SMYD3: variants seen among roughly 807,000 people sequenced by gnomAD.
SMYD3 encodes SET and MYND domain containing 3.
In SMYD3, 36 loss-of-function variants were observed where a neutral mutation model predicts 57.7. That is an observed-to-expected ratio of 0.62 (90% CI 0.48 to 0.82). SMYD3 has a LOEUF of 0.82. SMYD3 is among the 40% of genes least tolerant of loss of function. SMYD3 has a pLI of 0.00. For missense variants in SMYD3, 515 were observed against 538.8 expected, an observed-to-expected ratio of 0.96 and a Z score of 0.44; for synonymous variants, 211 against 195.0, an observed-to-expected ratio of 1.08 and a Z score of -0.68.
At chr1:246,403,951 T>A (rs915193) in intron 1 of SMYD3, among the ~76,000 whole-genome samples, 1 of 152,188 alleles carries the variant, frequency 6.6e-6, no homozygotes, top group Non-Finnish European at 1.5e-5. Flanking sequence ...AAGGGTCTCA[T>A]GGAAATTTAT....
chr1:246,054,875 A>T (rs1196678205), intron 5 of SMYD3, among the ~76,000 whole-genome samples: 163 of 114,356 alleles, frequency 1.4e-3, no homozygotes, highest in African/African-American at 7.1e-3. Context: ...GATGACTATA[A>T]AAAAAAAAAA....
intron 5 of SMYD3, among the ~76,000 whole-genome samples, chr1:245,956,887 C>T (rs998003923): frequency 6.6e-6 from 1 of 152,224 alleles, no homozygotes; most frequent in Admixed American, 6.5e-5. Context: ...GCAGTTGATC[C>T]ACCCTGCTTA....
chr1:246,180,759 CAAAAAAAAAAAAAAAAAAAA>C lies in SMYD3; in HGVS notation c.531+146422_531+146441del, dbSNP rs61346746. Among the ~76,000 whole-genome samples, 215 of 29,246 alleles carry C rather than the reference CAAAAAAAAAAAAAAAAAAAA, an allele frequency of 7.4e-3. 2 individuals are homozygous for C. The highest frequency in any genetic ancestry group is 0.029 in the African/African-American group (193 of 6,604). 19.2% of individuals were successfully genotyped at this position (29,246 alleles called of 152,430 possible). On this transcript the variant is annotated intron_variant, in intron 5 of 11. Coordinates refer to ENST00000490107, the MANE Select transcript of SMYD3 (RefSeq NM_001167740.2). ...TGGGCAACAGAGCAAGACTCTGTCT[CAAAAAAAAAAAAAAAAAAAA>C]AAAAAAAAAAAAAAAAAACAACTCA...
chr1:245,914,533 C>T (rs1033882392), intron 8 of SMYD3, among the ~76,000 whole-genome samples: 1 of 152,112 alleles, frequency 6.6e-6, no homozygotes, highest in African/African-American at 2.4e-5. Flanking sequence ...AGATAAAATA[C>T]TCCGTGTTCT....
chr1:246,286,979 TCA>T (rs2064581927), intron 5 of SMYD3, among the ~76,000 whole-genome samples: 5 of 152,032 alleles, frequency 3.3e-5, no homozygotes, highest in Middle Eastern at 3.4e-3. Flanking sequence ...CAAGCAGTTC[TCA>T]TGTCTCAGCC....
In SMYD3 at chr1:245,934,652, G is replaced by A. The variant is rs935183834; in HGVS notation, c.532-4715C>T. On this transcript the variant is annotated intron_variant, in intron 5 of 11. Coordinates refer to ENST00000490107, the MANE Select transcript of SMYD3 (RefSeq NM_001167740.2). The stretch of plus-strand genomic sequence containing the variant: ...GCTGGCGACGGAGGTCAGCTCAGGA[G>A]AGGAGAGGCTATACTTCTTAAATGA... Among the ~76,000 whole-genome samples, 4 of 152,168 alleles carry A rather than the reference G, an allele frequency of 2.6e-5. No homozygotes were observed. The South Asian group carries it at 8.3e-4, about 32-fold the overall frequency.
At chr1:245,867,611 C>T (rs1200407532) in intron 8 of SMYD3, among the ~76,000 whole-genome samples, 2 of 151,752 alleles carry the variant, frequency 1.3e-5, no homozygotes, top group East Asian at 3.9e-4. Context: ...ACTGAAGAGG[C>T]AGGTGGAACA....
intron 5 of SMYD3, among the ~76,000 whole-genome samples, chr1:246,050,676 A>G (rs2060051423): frequency 6.6e-6 from 1 of 152,160 alleles, no homozygotes; most frequent in South Asian, 2.1e-4. Context: ...GAACGCTGAG[A>G]CTGCCGGAAG....
chr1:246,351,192 T>A (rs551595898), intron 2 of SMYD3, among the ~76,000 whole-genome samples: 6 of 152,210 alleles, frequency 3.9e-5, no homozygotes, highest in Admixed American at 1.3e-4. Flanking sequence ...ATTATCAATA[T>A]AAAATAGAGC....
At chr1:246,005,626 A>C (rs2059155021) in intron 5 of SMYD3, among the ~76,000 whole-genome samples, 1 of 152,204 alleles carries the variant, frequency 6.6e-6, no homozygotes, top group African/African-American at 2.4e-5. Flanking sequence ...TTCTGCAGAG[A>C]GTCATATGGG....
intron 10 of SMYD3, among the ~76,000 whole-genome samples, chr1:245,774,565 C>T (rs1039032605): frequency 6.6e-6 from 1 of 152,186 alleles, no homozygotes; most frequent in Non-Finnish European, 1.5e-5. Flanking sequence ...GTCATGGTTG[C>T]ACATATATTA....
intron 10 of SMYD3, among the ~76,000 whole-genome samples, chr1:245,783,156 G>A (rs2046901126): frequency 6.6e-6 from 1 of 152,168 alleles, no homozygotes; most frequent in Non-Finnish European, 1.5e-5. Flanking sequence ...TTGAATACGG[G>A]CATAAGCAGG....
chr1:246,497,074 A>C (rs1329404853), intron 1 of SMYD3, among the ~76,000 whole-genome samples: 1 of 152,236 alleles, frequency 6.6e-6, no homozygotes, highest in Admixed American at 6.5e-5. Flanking sequence ...TTCTATACTA[A>C]CAAGTAATTA....
At chr1:246,443,326 A>G (rs1316163066) in intron 1 of SMYD3, among the ~76,000 whole-genome samples, 1 of 152,216 alleles carries the variant, frequency 6.6e-6, no homozygotes, top group Non-Finnish European at 1.5e-5. Flanking sequence ...AATTTGATAC[A>G]TGGTTGGACA....
intron 5 of SMYD3, among the ~76,000 whole-genome samples, chr1:246,185,115 T>C (rs899501478): frequency 6.6e-6 from 1 of 152,264 alleles, no homozygotes; most frequent in Non-Finnish European, 1.5e-5. Flanking sequence ...TAAGCACTAA[T>C]GGTGTTATAT....
intron 10 of SMYD3, among the ~76,000 whole-genome samples, chr1:245,786,414 G>A (rs1446134229): frequency 2.6e-5 from 4 of 152,092 alleles, no homozygotes; most frequent in Non-Finnish European, 5.9e-5. Flanking sequence ...CTAACGCAAT[G>A]TAGAACCCAA....
intron 5 of SMYD3, among the ~76,000 whole-genome samples, chr1:246,225,321 CAAAAAA>C (rs60915002): frequency 1.3e-5 from 1 of 76,306 alleles, no homozygotes; most frequent in African/African-American, 4.7e-5. Flanking sequence ...GCTGAAAAGT[CAAAAAA>C]AAAAAAAAAA....
Position 245,872,400 on chromosome 1 carries a change from C to T in SMYD3, c.814-8514G>A, listed in dbSNP as rs182983632. Among the ~76,000 whole-genome samples, 755 of 142,852 alleles carry T rather than the reference C, an allele frequency of 5.3e-3. 6 individuals carry two copies. The highest frequency in any genetic ancestry group is 8.5e-3 in the Admixed American group (119 of 14,036). The allele number at this position is 142,852 out of a possible 152,430, so 93.7% of individuals were successfully genotyped here. A position where few individuals can be genotyped will look rare whatever the true frequency, so the allele number is the denominator to read the frequency against. ...AGCTGGCCGACCCCAGGATGGATGT[C>T]CTCTTCTCAGATGAGAGAGCCCAGA... is the stretch of plus-strand genomic sequence containing the variant. On this transcript the variant is annotated intron_variant, in intron 8 of 11. Transcript: ENST00000490107.
At chr1:246,206,583 G>A (rs1326131573) in intron 5 of SMYD3, among the ~76,000 whole-genome samples, 2 of 151,918 alleles carry the variant, frequency 1.3e-5, no homozygotes, top group Non-Finnish European at 2.9e-5. Flanking sequence ...TGCTACCAAT[G>A]CAAAACAAAA....
Sources: gnomAD v4.1 joint callset for allele counts (sites outside exome capture counted in the v4.1 genomes callset) on GRCh38, gnomAD v4.1.1 for gene constraint, MANE v1.5 for transcripts, NCBI Gene and HGNC (gene_info 2026-07-23, HGNC 2026-07-21) for gene names.